Variants in ZNF823 observed in about 807,000 individuals in gnomAD.
The protein encoded by ZNF823 is zinc finger protein 823, also known as ZFP 36 for a zinc finger protein.
Under a neutral mutation model 11.4 loss-of-function variants are expected in ZNF823, and 5 were observed. The observed-to-expected ratio is 0.44, with a 90% CI of 0.23 to 0.92. ZNF823 has a LOEUF of 0.92. Among genes scored for constraint, ZNF823 ranks in the 40% least tolerant of loss-of-function variants. The pLI is 0.24. For missense variants in ZNF823, 582 were observed against 738.5 expected (o/e 0.79, Z 2.46); for synonymous variants, 234 against 250.5 (o/e 0.93, Z 0.62).
intron 1 of ZNF823, among the ~76,000 whole-genome samples, chr19:11,735,682 G>C (rs7257318): frequency 6.6e-6 from 1 of 151,766 alleles, no homozygotes; most frequent in Non-Finnish European, 1.5e-5. Context: ...GTCGCCTCAG[G>C]CTTCTCCACC....
chr19:11,725,323 G>A lies in ZNF823; in HGVS notation c.8C>T (p.Ser3Leu). MDSVAFEDVAVNF... is the reference protein window; with the variant it reads MDLVAFEDVAVNF... ...CACAGCCACATCTTCAAAGGCCACT[G>A]AGTCCTGAAACATCCCACATGTGCA... Residue 3 changes from serine to leucine, a missense_variant, in exon 2 of 4, where the codon TCA becomes TTA. This residue lies in a region of ZNF823 where 429 missense variants were observed against 553.7 expected (regional missense o/e 0.77). Coordinates refer to ENST00000341191, the MANE Select transcript of ZNF823 (RefSeq NM_001080493.4). 6.2e-7 allele frequency: 1 copy of A among 1,613,926 alleles called. No individual in the cohort carries two copies. The highest frequency in any genetic ancestry group is 8.5e-7 in the Non-Finnish European group (1 of 1,179,854).
At chr19:11,737,582 T>TTC (rs1975016787) in intron 1 of ZNF823, among the ~76,000 whole-genome samples, 1 of 74,634 alleles carries the variant, frequency 1.3e-5, no homozygotes, top group Non-Finnish European at 3.3e-5. Context: ...TTTTTTTTTT[T>TTC]TCACACTGGA....
chr19:11,738,917 A>G lies in ZNF823; in HGVS notation c.-98T>C. The G allele has an allele frequency of 6.1e-6, 9 of 1,467,064 alleles. No individual in the cohort carries two copies. Among genetic ancestry groups the G allele is most frequent in the Non-Finnish European group, 8.2e-6 (9 of 1,094,804 alleles). 90.9% of individuals were successfully genotyped at this position (1,467,064 alleles called of 1,614,324 possible). On this transcript the variant is annotated 5_prime_UTR_variant, in exon 1 of 4. Coordinates refer to ENST00000341191, the MANE Select transcript of ZNF823 (RefSeq NM_001080493.4). ...AGACCTTCCAGGGCGTCTCTCTCTC[A>G]GCGCCAGAGCCAGGACTCAGAGCGC...
At chr19:11,726,968 T>C (rs1013487618) in intron 1 of ZNF823, among the ~76,000 whole-genome samples, 3 of 152,118 alleles carry the variant, frequency 2.0e-5, no homozygotes, top group Admixed American at 2.0e-4. Flanking sequence ...TTAGACCAAA[T>C]GTAGTTAAGC....
chr19:11,724,267 C>T lies in ZNF823; in HGVS notation c.131-13G>A, dbSNP rs1599700928. 6.3e-7 allele frequency: 1 copy of T among 1,592,272 alleles called. No homozygotes were observed. The highest frequency in any genetic ancestry group is 1.9e-5 in the Admixed American group (1 of 53,976). On this transcript the variant is annotated splice_polypyrimidine_tract_variant and intron_variant, in intron 2 of 3. Transcript: ENST00000341191. ...TCCCATTTCATTTCTAAAAGGTAGA[C>T]CCAGGAAAATCACTAAAAATGTTTA...
At chr19:11,724,758 C>T (rs1017244409) in intron 2 of ZNF823, among the ~76,000 whole-genome samples, 39 of 151,864 alleles carry the variant, frequency 2.6e-4, no homozygotes, top group African/African-American at 9.4e-4. Context: ...GACGGGGTTT[C>T]ACCATGTTAG....
rs1252197661 is a variant in ZNF823 at position 11,738,865 on chromosome 19, G to A, written c.-46C>T. The A allele has an allele frequency of 1.3e-6, 2 of 1,598,270 alleles. No individual in the cohort carries two copies. Among genetic ancestry groups the A allele is most frequent in the East Asian group, 2.3e-5 (1 of 43,986 alleles). On this transcript the variant is annotated 5_prime_UTR_variant, in exon 1 of 4. Transcript: ENST00000341191. ...GGGTGTCCTCCTTAAAAGCCAGTGT[G>A]GGTCCCAGCGCGACAGACGCTGATA...
Position 11,721,410 on chromosome 19 carries a change from T to C in ZNF823, c.*291A>G, listed in dbSNP as rs1974675044. The C allele has an allele frequency of 3.7e-6, 1 of 273,542 alleles. No homozygotes were observed. Among genetic ancestry groups the C allele is most frequent in the Non-Finnish European group, 6.8e-6 (1 of 146,644 alleles). The allele number at this position is 273,542 out of a possible 1,614,324, so 16.9% of individuals were successfully genotyped here. A position where few individuals can be genotyped will look rare whatever the true frequency, so the allele number is the denominator to read the frequency against. ...ACAATCAAACAACTATTTACATAGC[T>C]TTTACAATGCATGAGGTATTAAAAG... On this transcript the variant is annotated 3_prime_UTR_variant, in exon 4 of 4. Coordinates refer to ENST00000341191, the MANE Select transcript of ZNF823 (RefSeq NM_001080493.4).
intron 1 of ZNF823, among the ~76,000 whole-genome samples, chr19:11,737,746 T>A (rs1460233759): frequency 6.6e-6 from 1 of 152,104 alleles, no homozygotes; most frequent in African/African-American, 2.4e-5. Context: ...AAAGAGTTCA[T>A]AAAGTTGCTG....
intron 1 of ZNF823, among the ~76,000 whole-genome samples, chr19:11,735,470 A>G (rs1410257932): frequency 6.6e-6 from 1 of 152,140 alleles, no homozygotes; most frequent in African/African-American, 2.4e-5. Flanking sequence ...GACCTCAGAC[A>G]GGGCATCACA....
chr19:11,738,926 G>T lies in ZNF823; in HGVS notation c.-107C>A. 2.1e-6 allele frequency: 3 copies of T among 1,425,846 alleles called. No homozygotes were observed. Among genetic ancestry groups the T allele is most frequent in the Non-Finnish European group, 1.9e-6 (2 of 1,062,858 alleles). The allele number at this position is 1,425,846 out of a possible 1,614,324, so 88.3% of individuals were successfully genotyped here. Reference sequence around the variant, plus strand: ...AGGGCGTCTCTCTCTCAGCGCCAGAGCCAGGACTCAGAGCGCAGGGGCGTG... The same window carrying T: ...AGGGCGTCTCTCTCTCAGCGCCAGATCCAGGACTCAGAGCGCAGGGGCGTG... On this transcript the variant is annotated 5_prime_UTR_variant, in exon 1 of 4. Coordinates refer to ENST00000341191, the MANE Select transcript of ZNF823 (RefSeq NM_001080493.4).
At position 11,725,346 on chromosome 19, in the gene ZNF823, G is replaced by A. The variant is rs756194639; in HGVS notation, c.4-19C>T. On this transcript the variant is annotated intron_variant, in intron 1 of 3. Transcript: ENST00000341191. The stretch of plus-strand genomic sequence containing the variant: ...CTGAGTCCTGAAACATCCCACATGT[G>A]CAGAGGAGGAAGGTTGAGATGGACA... The A allele has an allele frequency of 4.3e-6, 7 of 1,612,676 alleles. No individual in the cohort carries two copies. Among genetic ancestry groups the A allele is most frequent in the Non-Finnish European group, 4.2e-6 (5 of 1,179,274 alleles).
intron 2 of ZNF823, among the ~76,000 whole-genome samples, 179 bp downstream of exon 2, chr19:11,725,022 C>T (rs569495064): frequency 2.6e-5 from 4 of 151,952 alleles, no homozygotes; most frequent in East Asian, 1.9e-4. Flanking sequence ...GGTTAAGTTG[C>T]GGGGGACAAA....
intron 2 of ZNF823, 39 bp from the exon 3 acceptor site, chr19:11,724,293 C>A: frequency 9.0e-6 from 14 of 1,561,662 alleles, no homozygotes; most frequent in Non-Finnish European, 1.1e-5. Flanking sequence ...AAAATGTTTA[C>A]AAAATTATAG....
At chr19:11,734,052 T>C (rs908338202) in intron 1 of ZNF823, among the ~76,000 whole-genome samples, 2 of 151,850 alleles carry the variant, frequency 1.3e-5, no homozygotes, top group African/African-American at 4.8e-5. Context: ...CTGGGCAACA[T>C]GGTGAAACCT....
Position 11,732,294 on chromosome 19 carries a change from A to G in ZNF823, c.3+6523T>C, listed in dbSNP as rs374444799. Among the ~76,000 whole-genome samples the G allele has an allele frequency of 4.1e-4, 62 of 151,390 alleles. 2 individuals carry two copies. The East Asian group carries it at 0.012, about 29-fold the overall frequency. Reference sequence around the variant, plus strand: ...ATTCTCCTGCCTCAGCCTCCCGAGCAGCCGGGACTACAGGCAACTGCCACC... The same window carrying G: ...ATTCTCCTGCCTCAGCCTCCCGAGCGGCCGGGACTACAGGCAACTGCCACC... On this transcript the variant is annotated intron_variant, in intron 1 of 3. Transcript: ENST00000341191.
In ZNF823 at chr19:11,721,873, G is replaced by A. The variant is rs750026282; in HGVS notation, c.1661C>T (p.Pro554Leu). The A allele has an allele frequency of 6.2e-7, 1 of 1,613,798 alleles. No individual in the cohort carries two copies. The highest frequency in any genetic ancestry group is 1.1e-5 in the South Asian group (1 of 91,066). ...TTTACCACATTGTAGACATTCATAGGGTTTCTCTCCAGTGTGAATTCTTTC... is the reference window on the plus strand; with the variant it reads ...TTTACCACATTGTAGACATTCATAGAGTTTCTCTCCAGTGTGAATTCTTTC... The part of the protein sequence containing the change: ...RHERIHTGEK[P>L]YECLQCGKAF... Residue 554 changes from proline to leucine, a missense_variant, in exon 4 of 4, where the codon CCC (proline) becomes CTC (leucine). Around this residue, in one of 3 missense-constraint regions of ZNF823, gnomAD observed 144 missense variants for 154.3 expected, o/e 0.93. Transcript: ENST00000341191.
At chr19:11,732,009 C>CAAAAA (rs34026773) in intron 1 of ZNF823, among the ~76,000 whole-genome samples, 1 of 96,946 alleles carries the variant, frequency 1.0e-5, no homozygotes, top group Non-Finnish European at 2.1e-5. Context: ...AACTCCGTCT[C>CAAAAA]AAAAAAAAAA....
intron 1 of ZNF823, among the ~76,000 whole-genome samples, chr19:11,728,124 G>T (rs1248368413): frequency 6.6e-6 from 1 of 152,076 alleles, no homozygotes; most frequent in South Asian, 2.1e-4. Flanking sequence ...TAATCCGCCC[G>T]CCTCGGCCTC....
Sources: allele counts gnomAD v4.1 joint callset (sites outside exome capture counted in the v4.1 genomes callset), GRCh38; gene constraint gnomAD v4.1.1; regional missense constraint gnomAD v4.1.1; transcripts MANE v1.5; gene names NCBI Gene and HGNC (gene_info 2026-07-23, HGNC 2026-07-21).